Variants in SULF1 observed in about 807,000 individuals in gnomAD.
SULF1 encodes the protein extracellular sulfatase Sulf-1.
SULF1 carries 46 observed loss-of-function variants against 110.5 expected under a neutral mutation model. The ratio of observed to expected loss-of-function variants is 0.42; its 90% CI spans 0.33 to 0.53. The LOEUF (loss-of-function observed/expected upper bound fraction) is 0.53, where lower values mean the gene tolerates loss of function less well. Ranked by LOEUF, SULF1 falls within the 20% of genes least tolerant of loss-of-function variation. The pLI is 0.12. For synonymous variants in SULF1, 371 were observed against 387.1 expected, an observed-to-expected ratio of 0.96 and a Z score of 0.49; for missense variants, 941 against 1,094.2, an observed-to-expected ratio of 0.86 and a Z score of 1.98.
At chr8:69,626,712 G>A (rs780279630) in intron 15 of SULF1, among the ~76,000 whole-genome samples, 3 of 152,220 alleles carry the variant, frequency 2.0e-5, no homozygotes, top group African/African-American at 7.2e-5. Flanking sequence ...CCGCTGGCCC[G>A]GGTGCTAAGC....
At position 69,659,351 on chromosome 8, in the gene SULF1, G is replaced by C; in HGVS notation, c.*816G>C. Reference sequence around the variant, plus strand: ...AAACTGTTACCTTACCCTAAACACAGTATTTCTTTTTAACTTTTTTATTTG... The same window carrying C: ...AAACTGTTACCTTACCCTAAACACACTATTTCTTTTTAACTTTTTTATTTG... On this transcript the variant is annotated 3_prime_UTR_variant, in exon 23 of 23. Transcript: ENST00000402687. 2.8e-6 allele frequency: 1 copy of C among 360,350 alleles called. No individual in the cohort carries two copies. Among genetic ancestry groups the C allele is most frequent in the South Asian group, 2.1e-5 (1 of 47,732 alleles). The allele number at this position is 360,350 out of a possible 1,614,324, so 22.3% of individuals were successfully genotyped here.
intron 15 of SULF1, among the ~76,000 whole-genome samples, chr8:69,626,741 G>A (rs148441867): frequency 5.3e-5 from 8 of 152,254 alleles, no homozygotes; most frequent in Non-Finnish European, 8.8e-5. Context: ...GCCCGGGGCC[G>A]CAAGGGCCGG....
intron 15 of SULF1, among the ~76,000 whole-genome samples, chr8:69,626,302 A>G (rs1377118598): frequency 2.0e-5 from 3 of 148,422 alleles, no homozygotes; most frequent in African/African-American, 5.0e-5. Context: ...ACAGAGTGTC[A>G]ATTGGTGCAC....
intron 22 of SULF1, among the ~76,000 whole-genome samples, chr8:69,646,425 CATT>C (rs1385935866): frequency 2.0e-5 from 1 of 49,800 alleles, no homozygotes; most frequent in African/African-American, 8.9e-5. Flanking sequence ...TTATTATCCT[CATT>C]TTTTTTTTTT....
intron 1 of SULF1, among the ~76,000 whole-genome samples, chr8:69,480,102 G>C (rs977823228): frequency 6.6e-6 from 1 of 152,080 alleles, no homozygotes. Context: ...CAAACATGCA[G>C]CTTTATCATA....
chr8:69,482,595 GA>G (rs1563458109), intron 1 of SULF1, among the ~76,000 whole-genome samples: 1 of 152,052 alleles, frequency 6.6e-6, no homozygotes. Context: ...TATAGAGAGA[GA>G]GGGGCAGGGG....
At chr8:69,584,519 G>GACTT (rs1404194194) in intron 6 of SULF1, 1 of 152,214 alleles carries the variant, frequency 6.6e-6, no homozygotes, top group Non-Finnish European at 1.5e-5. Context: ...GGTGCTCCTT[G>GACTT]ACTTACGATG....
intron 1 of SULF1, among the ~76,000 whole-genome samples, chr8:69,468,850 T>A (rs1272353722): frequency 6.6e-6 from 1 of 152,144 alleles, no homozygotes; most frequent in Non-Finnish European, 1.5e-5. Flanking sequence ...CATGATGGCA[T>A]CTAACAGAGG....
At chr8:69,629,364 T>A (rs961983954) in intron 18 of SULF1, 140 bp from the exon 19 acceptor site, 1 of 810,748 alleles carries the variant, frequency 1.2e-6, no homozygotes, top group African/African-American at 1.7e-5. Flanking sequence ...CTATTTTAAG[T>A]CCCTCTATAC....
chr8:69,547,212 C>T (rs1814327445), intron 3 of SULF1, among the ~76,000 whole-genome samples: 1 of 152,130 alleles, frequency 6.6e-6, no homozygotes, highest in Non-Finnish European at 1.5e-5. Context: ...GGACTAATAA[C>T]ACCTGCTCTA....
intron 6 of SULF1, among the ~76,000 whole-genome samples, chr8:69,578,871 G>A (rs1389539952): frequency 6.6e-6 from 1 of 152,138 alleles, no homozygotes; most frequent in East Asian, 1.9e-4. Flanking sequence ...TTAGTTAACA[G>A]TAGGAAAAGG....
chr8:69,613,574 C>A (rs938826180), intron 13 of SULF1, among the ~76,000 whole-genome samples: 6 of 152,008 alleles, frequency 3.9e-5, no homozygotes, highest in African/African-American at 1.2e-4. Flanking sequence ...ACATATTATG[C>A]CCATTTTAGA....
intron 3 of SULF1, among the ~76,000 whole-genome samples, chr8:69,531,316 G>A (rs1440072814): frequency 3.3e-5 from 5 of 152,110 alleles, no homozygotes; most frequent in African/African-American, 7.2e-5. Context: ...CAAATACATT[G>A]TTATCTCCTT....
rs180716132 is a variant in SULF1 at position 69,514,656 on chromosome 8, G to T, written c.-134+12688G>T. ...CATTAACTAAAAGTCCAAGTCCAAA[G>T]TCTCATCTGAGACAAGGCAAGTCCC... is the stretch of plus-strand genomic sequence containing the variant. On this transcript the variant is annotated intron_variant, in intron 3 of 22. Coordinates refer to ENST00000402687, the MANE Select transcript of SULF1 (RefSeq NM_001128205.2). Among the ~76,000 whole-genome samples the T allele has an allele frequency of 9.9e-4, 151 of 152,302 alleles. 1 individual carries two copies. The highest frequency in any genetic ancestry group is 3.5e-3 in the African/African-American group (146 of 41,568).
intron 3 of SULF1, among the ~76,000 whole-genome samples, chr8:69,539,190 A>G (rs1221823636): frequency 1.3e-5 from 2 of 152,140 alleles, no homozygotes; most frequent in Non-Finnish European, 2.9e-5. Flanking sequence ...TACCTTAGCC[A>G]TTGTTCTTGG....
intron 22 of SULF1, among the ~76,000 whole-genome samples, chr8:69,653,253 A>G (rs888109316): frequency 1.3e-5 from 2 of 152,040 alleles, no homozygotes; most frequent in Admixed American, 6.6e-5. Context: ...AATTTTTATT[A>G]GAGGTGAGTT....
At chr8:69,516,345 A>T (rs1182193480) in intron 3 of SULF1, among the ~76,000 whole-genome samples, 2 of 151,636 alleles carry the variant, frequency 1.3e-5, no homozygotes, top group Non-Finnish European at 2.9e-5. Context: ...ACATTGCTGA[A>T]GCAGGAGGAA....
chr8:69,497,035 T>C (rs542257650), intron 2 of SULF1, among the ~76,000 whole-genome samples: 3 of 152,162 alleles, frequency 2.0e-5, no homozygotes, highest in Non-Finnish European at 2.9e-5. Flanking sequence ...ATTTGTGTGG[T>C]TCAGCATGAG....
chr8:69,567,113 T>G (rs1180621796), intron 5 of SULF1, among the ~76,000 whole-genome samples: 1 of 152,164 alleles, frequency 6.6e-6, no homozygotes, highest in Non-Finnish European at 1.5e-5. Context: ...CATAATATTT[T>G]AGGTTCTGGG....
Sources: allele counts gnomAD v4.1 joint callset (sites outside exome capture counted in the v4.1 genomes callset), GRCh38; gene constraint gnomAD v4.1.1; transcripts MANE v1.5; gene names NCBI Gene and HGNC (gene_info 2026-07-23, HGNC 2026-07-21).